Variants in EPHA3 observed in about 807,000 individuals in gnomAD.
EPHA3 encodes EPH receptor A3.
In EPHA3, 42 loss-of-function variants were observed where a neutral mutation model predicts 107.1. The observed-to-expected ratio is 0.39, with a 90% CI of 0.31 to 0.51. EPHA3 has a LOEUF of 0.51. Among genes scored for constraint, EPHA3 ranks in the 20% least tolerant of loss-of-function variants. The pLI, the probability that EPHA3 is intolerant of heterozygous loss-of-function variation, is 0.78. For synonymous variants in EPHA3, 461 were observed against 424.8 expected (o/e 1.09, Z -1.05); for missense variants, 1,183 against 1,211.2 (o/e 0.98, Z 0.35).
intron 2 of EPHA3, among the ~76,000 whole-genome samples, chr3:89,154,225 A>C (rs1245409060): frequency 6.6e-6 from 1 of 151,210 alleles, no homozygotes; most frequent in Non-Finnish European, 1.5e-5. Flanking sequence ...TTTGAGCAGG[A>C]GAACAGGAAA....
At chr3:89,203,949 G>T (rs1706038133) in intron 2 of EPHA3, among the ~76,000 whole-genome samples, 5 of 152,104 alleles carry the variant, frequency 3.3e-5, no homozygotes, top group Admixed American at 3.3e-4. Flanking sequence ...AGGTTGCTGG[G>T]TAAAGCGGAG....
chr3:89,336,344 A>G (rs994752634), intron 3 of EPHA3, among the ~76,000 whole-genome samples: 1 of 152,168 alleles, frequency 6.6e-6, no homozygotes, highest in Non-Finnish European at 1.5e-5. Flanking sequence ...ACATTCACAC[A>G]CAAACATAGA....
At chr3:89,378,633 G>T (rs1408480882) in intron 5 of EPHA3, among the ~76,000 whole-genome samples, 1 of 152,134 alleles carries the variant, frequency 6.6e-6, no homozygotes, top group Non-Finnish European at 1.5e-5. Context: ...GAGAACACTT[G>T]CTCTATATAG....
intron 16 of EPHA3, among the ~76,000 whole-genome samples, chr3:89,476,226 A>G (rs1247304801): frequency 6.8e-6 from 1 of 147,410 alleles, no homozygotes; most frequent in Non-Finnish European, 1.5e-5. Context: ...TAAGCATATT[A>G]TATATATATA....
intron 13 of EPHA3, among the ~76,000 whole-genome samples, chr3:89,436,653 A>G (rs1709676746): frequency 6.6e-6 from 1 of 152,212 alleles, no homozygotes; most frequent in Non-Finnish European, 1.5e-5. Context: ...ATATAATCTA[A>G]TTATGTATTT....
intron 2 of EPHA3, among the ~76,000 whole-genome samples, chr3:89,133,965 A>G (rs566140743): frequency 6.6e-6 from 1 of 152,066 alleles, no homozygotes. Context: ...GCACGTTACA[A>G]TCTGATCGAG....
At chr3:89,306,038 T>G (rs751994233) in intron 3 of EPHA3, among the ~76,000 whole-genome samples, 2 of 152,134 alleles carry the variant, frequency 1.3e-5, no homozygotes, top group Non-Finnish European at 2.9e-5. Context: ...CTCATCGTCA[T>G]TGTCGTCATC....
chr3:89,145,890 A>G (rs1423091032), intron 2 of EPHA3, among the ~76,000 whole-genome samples: 1 of 151,856 alleles, frequency 6.6e-6, no homozygotes, highest in Non-Finnish European at 1.5e-5. Flanking sequence ...GCTTTAAAAT[A>G]AGTTGCATAA....
intron 3 of EPHA3, among the ~76,000 whole-genome samples, chr3:89,260,608 A>AT (rs1229358733): frequency 6.6e-6 from 1 of 151,852 alleles, no homozygotes; most frequent in Non-Finnish European, 1.5e-5. Context: ...TGTGTGATAT[A>AT]TTTTTCCAGT....
intron 3 of EPHA3, among the ~76,000 whole-genome samples, chr3:89,309,877 A>AC (rs1193196265): frequency 2.7e-5 from 3 of 109,568 alleles, no homozygotes; most frequent in Non-Finnish European, 3.8e-5. Flanking sequence ...GCCACCCCCC[A>AC]CCCCCCACAC....
intron 3 of EPHA3, among the ~76,000 whole-genome samples, chr3:89,264,437 T>C (rs1332648673): frequency 6.6e-6 from 1 of 152,160 alleles, no homozygotes; most frequent in East Asian, 1.9e-4. Flanking sequence ...CTACGTTCTC[T>C]TCCCCACCAA....
rs114621297 is a variant in EPHA3, at chr3:89,406,086, G to A, written c.1595-1183G>A. Among the ~76,000 whole-genome samples, 1,423 of 152,222 alleles carry A rather than the reference G, an allele frequency of 9.3e-3. 23 individuals are homozygous for A. The highest frequency in any genetic ancestry group is 0.033 in the African/African-American group (1,359 of 41,544). Reference sequence around the variant, plus strand: ...AGCATACAAATAGAGACCAAATTAGGAATTTCTAATTATAATTCAGAAGAT... The same window carrying A: ...AGCATACAAATAGAGACCAAATTAGAAATTTCTAATTATAATTCAGAAGAT... On this transcript the variant is annotated intron_variant, in intron 7 of 16. Coordinates refer to ENST00000336596, the MANE Select transcript of EPHA3 (RefSeq NM_005233.6).
At chr3:89,204,055 T>C (rs75958754) in intron 2 of EPHA3, among the ~76,000 whole-genome samples, 2,018 of 152,246 alleles carry the variant, frequency 0.013, 52 homozygotes, top group African/African-American at 0.047. Flanking sequence ...GTATGCCCAA[T>C]ATTGGTGAGA....
intron 3 of EPHA3, among the ~76,000 whole-genome samples, chr3:89,253,202 T>G (rs773449975): frequency 3.8e-4 from 58 of 152,208 alleles, no homozygotes. Flanking sequence ...TACTATAATA[T>G]TTTATACCTT....
intron 6 of EPHA3, 132 bp downstream of exon 6, chr3:89,396,093 C>A: frequency 8.2e-7 from 1 of 1,214,954 alleles, no homozygotes; most frequent in South Asian, 1.9e-5. Flanking sequence ...GGCCCTGTGA[C>A]CCCTTTGATT....
At chr3:89,185,091 G>A (rs892555813) in intron 2 of EPHA3, among the ~76,000 whole-genome samples, 3 of 151,910 alleles carry the variant, frequency 2.0e-5, no homozygotes, top group African/African-American at 7.3e-5. Context: ...ATATGACTGG[G>A]CACCTGTAAT....
Position 89,340,900 on chromosome 3 carries a change from G to A in EPHA3, c.815-16G>A, listed in dbSNP as rs771859393. 31 of 1,586,716 alleles carry A rather than the reference G, an allele frequency of 2.0e-5. 1 individual carries two copies. The highest frequency in any genetic ancestry group is 7.4e-5 in the Admixed American group (4 of 53,896). On this transcript the variant is annotated splice_polypyrimidine_tract_variant and intron_variant, in intron 3 of 16. Transcript: ENST00000336596. Reference sequence around the variant, plus strand: ...AATTATCACAGACTTTTAAAAGAGAGTCATTTTGTTTGTAGCTTGTCGACC... The same window carrying A: ...AATTATCACAGACTTTTAAAAGAGAATCATTTTGTTTGTAGCTTGTCGACC...
chr3:89,342,141 T>C, intron 5 of EPHA3, 51 bp downstream of exon 5: 1 of 1,478,030 alleles, frequency 6.8e-7, no homozygotes, highest in East Asian at 2.3e-5. Context: ...GTCTGAGTAA[T>C]GGTTTTGACT....
At chr3:89,242,894 T>C (rs1704937897) in intron 3 of EPHA3, among the ~76,000 whole-genome samples, 4 of 128,458 alleles carry the variant, frequency 3.1e-5, no homozygotes, top group Non-Finnish European at 6.6e-5. Flanking sequence ...CCTATTGCTA[T>C]CCCTCCCCCC....
Sources: gnomAD v4.1 joint callset for allele counts (sites outside exome capture counted in the v4.1 genomes callset) on GRCh38, gnomAD v4.1.1 for gene constraint, MANE v1.5 for transcripts, NCBI Gene and HGNC (gene_info 2026-07-23, HGNC 2026-07-21) for gene names.